TNFRSF8: variants seen among roughly 807,000 people sequenced by gnomAD.
TNFRSF8 encodes the protein tumor necrosis factor receptor superfamily member 8.
TNFRSF8 carries 26 observed loss-of-function variants against 70.8 expected under a neutral mutation model. The observed-to-expected ratio is 0.37, with a 90% CI of 0.27 to 0.51. TNFRSF8 has a LOEUF of 0.51. Ranked by LOEUF, TNFRSF8 falls within the 20% of genes least tolerant of loss-of-function variation. The pLI is 0.94. For synonymous variants in TNFRSF8, 356 were observed against 339.2 expected (o/e 1.05, Z -0.54); for missense variants, 720 against 807.9 (o/e 0.89, Z 1.32).
At chr1:12,069,369 G>A (rs1640801901) in intron 1 of TNFRSF8, among the ~76,000 whole-genome samples, 1 of 151,032 alleles carries the variant, frequency 6.6e-6, no homozygotes, top group Non-Finnish European at 1.5e-5. Context: ...ATTAGAGACG[G>A]GATTTCACCA....
chr1:12,079,036 G>A (rs1054351470), intron 1 of TNFRSF8, among the ~76,000 whole-genome samples: 5 of 152,262 alleles, frequency 3.3e-5, no homozygotes, highest in African/African-American at 1.2e-4. Flanking sequence ...AGGGAGGGGA[G>A]GGGTGCTTAC....
At chr1:12,084,269 C>T (rs576385790) in intron 1 of TNFRSF8, among the ~76,000 whole-genome samples, 195 bp from the exon 2 acceptor site, 9 of 152,152 alleles carry the variant, frequency 5.9e-5, no homozygotes, top group African/African-American at 1.7e-4. Flanking sequence ...AAGGGAGACG[C>T]TAAAGTTTCT....
At chr1:12,096,909 A>G (rs971411854) in intron 2 of TNFRSF8, among the ~76,000 whole-genome samples, 192 bp from the exon 3 acceptor site, 1 of 152,136 alleles carries the variant, frequency 6.6e-6, no homozygotes, top group Non-Finnish European at 1.5e-5. Flanking sequence ...CTTGCCTGCT[A>G]GGGGACCTTA....
At chr1:12,096,197 A>C (rs962138871) in intron 2 of TNFRSF8, among the ~76,000 whole-genome samples, 6 of 152,090 alleles carry the variant, frequency 3.9e-5, no homozygotes, top group Admixed American at 2.6e-4. Context: ...GATGGGAAGA[A>C]GTATTCTGAT....
intron 13 of TNFRSF8, among the ~76,000 whole-genome samples, 169 bp downstream of exon 13, chr1:12,135,782 C>T (rs1473997823): frequency 6.6e-6 from 1 of 152,200 alleles, no homozygotes; most frequent in African/African-American, 2.4e-5. Context: ...CAAGTTCAGG[C>T]TGAGTCTGAC....
At chr1:12,114,595 C>T (rs1027936936) in intron 7 of TNFRSF8, among the ~76,000 whole-genome samples, 2 of 149,628 alleles carry the variant, frequency 1.3e-5, no homozygotes, top group East Asian at 2.0e-4. Context: ...CTAAGTGGAG[C>T]GTTGCAAAAT....
chr1:12,118,508 T>G (rs1483012890), intron 8 of TNFRSF8, among the ~76,000 whole-genome samples: 1 of 152,242 alleles, frequency 6.6e-6, no homozygotes, highest in African/African-American at 2.4e-5. Flanking sequence ...CAGAAATTCT[T>G]ACCACACATG....
chr1:12,107,918 C>T (rs1029252915), intron 4 of TNFRSF8, among the ~76,000 whole-genome samples: 7 of 151,958 alleles, frequency 4.6e-5, no homozygotes, highest in Non-Finnish European at 7.4e-5. Context: ...AATCGAGGTC[C>T]GGAGATGGGA....
intron 1 of TNFRSF8, among the ~76,000 whole-genome samples, chr1:12,066,354 ATTT>A (rs113285006): frequency 7.1e-6 from 1 of 140,834 alleles, no homozygotes; most frequent in Non-Finnish European, 1.5e-5. Flanking sequence ...TGAGTTTAAA[ATTT>A]TTTTTTTTTT....
At position 12,142,350 on chromosome 1, in the gene TNFRSF8, A is replaced by AGGGCCGGGGCCTGGC; in HGVS notation, c.1611_1625dup (p.Arg538_Gly542dup). 1 of 1,607,996 alleles carries AGGGCCGGGGCCTGGC rather than the reference A, an allele frequency of 6.2e-7. No homozygotes were observed. The stretch of plus-strand genomic sequence containing the variant: ...GGGACCGTGAAGGCTGAGCTGCCGG[A>AGGGCCGGGGCCTGGC]GGGCCGGGGCCTGGCGGGGCCAGCA... On this transcript the variant is annotated inframe_insertion, in exon 15 of 15. Coordinates refer to ENST00000263932, the MANE Select transcript of TNFRSF8 (RefSeq NM_001243.5). This position sits in a 1 kb window ranked among gnomAD's most constrained non-coding sequence, Gnocchi z 5.0.
chr1:12,069,773 C>T (rs1489586986), intron 1 of TNFRSF8, among the ~76,000 whole-genome samples: 1 of 152,220 alleles, frequency 6.6e-6, no homozygotes, highest in African/African-American at 2.4e-5. Flanking sequence ...TGACATTCCA[C>T]AGGGGTGACA....
rs1261201804 is a variant in TNFRSF8, at chr1:12,106,779, A to G, written c.421+2248A>G. Among the ~76,000 whole-genome samples the G allele has an allele frequency of 2.0e-5, 3 of 151,714 alleles. No homozygotes were observed. In the East Asian group the frequency reaches 5.8e-4, roughly 29 times the overall value. On this transcript the variant is annotated intron_variant, in intron 4 of 14. Coordinates refer to ENST00000263932, the MANE Select transcript of TNFRSF8 (RefSeq NM_001243.5). ...AGCAGATACCTAGGATTTTGCAAAG[A>G]TTTGCAACTGTGGGGCATGTTCCCA...
At chr1:12,073,636 C>A (rs1284368774) in intron 1 of TNFRSF8, among the ~76,000 whole-genome samples, 1 of 149,992 alleles carries the variant, frequency 6.7e-6, no homozygotes, top group Non-Finnish European at 1.5e-5. Context: ...CTCTGTCGCC[C>A]AGGCTGGAGT....
At chr1:12,084,790 T>A (rs1053685292) in intron 2 of TNFRSF8, among the ~76,000 whole-genome samples, 8 of 152,246 alleles carry the variant, frequency 5.3e-5, no homozygotes, top group Non-Finnish European at 7.3e-5. Flanking sequence ...TGAGTTTTTA[T>A]TTTTAACGTA....
chr1:12,139,285 C>T (rs1172534519), intron 14 of TNFRSF8, among the ~76,000 whole-genome samples: 2 of 152,176 alleles, frequency 1.3e-5, no homozygotes, highest in African/African-American at 4.8e-5. Flanking sequence ...ACCTTCTGAC[C>T]CCACAGTCTG....
In TNFRSF8 at chr1:12,097,289, A is replaced by C. The variant is rs954219379; in HGVS notation, c.268+72A>C. On this transcript the variant is annotated intron_variant, in intron 3 of 14. Transcript: ENST00000263932. The stretch of plus-strand genomic sequence containing the variant: ...GGGGTCCTCAGAGGAGAGGTGAAGA[A>C]TCTGGAAGGTGGAGAGCATCATGAT... 3 of 1,131,186 alleles carry C rather than the reference A, an allele frequency of 2.7e-6. No homozygotes were observed. The African/African-American group carries it at 4.6e-5, about 17-fold the overall frequency. The allele number at this position is 1,131,186 out of a possible 1,614,324, so 70.1% of individuals were successfully genotyped here.
Position 12,063,535 on chromosome 1 carries a change from G to T in TNFRSF8, c.-64G>T. The stretch of plus-strand genomic sequence containing the variant: ...ACCGCCGGGACCGCACGTGGGCGCC[G>T]CGCGCTTCCCCCGCTTCCCAGGTGG... On this transcript the variant is annotated 5_prime_UTR_variant, in exon 1 of 15. Coordinates refer to ENST00000263932, the MANE Select transcript of TNFRSF8 (RefSeq NM_001243.5). This position sits in a 1 kb window ranked among gnomAD's most constrained non-coding sequence, Gnocchi z 7.2. 1 of 1,280,738 alleles carries T rather than the reference G, an allele frequency of 7.8e-7. No individual in the cohort carries two copies. Among genetic ancestry groups the T allele is most frequent in the Non-Finnish European group, 9.9e-7 (1 of 1,007,134 alleles). The allele number at this position is 1,280,738 out of a possible 1,614,324, so 79.3% of individuals were successfully genotyped here. A position where few individuals can be genotyped will look rare whatever the true frequency, so the allele number is the denominator to read the frequency against.
chr1:12,125,161 T>C (rs1221175720), intron 10 of TNFRSF8, among the ~76,000 whole-genome samples: 1 of 152,208 alleles, frequency 6.6e-6, no homozygotes, highest in African/African-American at 2.4e-5. Flanking sequence ...CATATACTAC[T>C]TTTTAAACAT....
In TNFRSF8 at chr1:12,109,343, C is replaced by T. The variant is rs10746497; in HGVS notation, c.422-223C>T. On this transcript the variant is annotated intron_variant, in intron 4 of 14. Coordinates refer to ENST00000263932, the MANE Select transcript of TNFRSF8 (RefSeq NM_001243.5). This position sits in a 1 kb window ranked among gnomAD's most constrained non-coding sequence, Gnocchi z 4.4. ...AAAGGGGGTTCAGTCGGTCCCAACC[C>T]CTAACCACAGATGCTGAGATCAGAG... is the stretch of plus-strand genomic sequence containing the variant. Among the ~76,000 whole-genome samples, 46,004 of 151,910 alleles carry T rather than the reference C, an allele frequency of 0.3. 7,413 individuals carry two copies. Among genetic ancestry groups the T allele is most frequent in the African/African-American group, 0.39 (16,234 of 41,408 alleles).
Sources: gnomAD v4.1 joint callset for allele counts (sites outside exome capture counted in the v4.1 genomes callset) on GRCh38, gnomAD v4.1.1 for gene constraint, Gnocchi (gnomAD v3.1) non-coding constraint, MANE v1.5 for transcripts, NCBI Gene and HGNC (gene_info 2026-07-23, HGNC 2026-07-21) for gene names.